The following CSDE1 variants were observed in gnomAD, a reference collection of about 807,000 sequenced individuals.
CSDE1 encodes cold shock domain-containing protein E1.
CSDE1 carries 17 observed loss-of-function variants against 89.3 expected under a neutral mutation model. The observed-to-expected ratio is 0.19, with a 90% confidence interval of 0.13 to 0.29. The LOEUF (loss-of-function observed/expected upper bound fraction) is 0.29, where lower values mean the gene tolerates loss of function less well. Among genes scored for constraint, CSDE1 ranks in the 10% least tolerant of loss-of-function variants. The pLI is 1.00. For synonymous variants in CSDE1, 322 were observed against 332.8 expected, an observed-to-expected ratio of 0.97 and a Z score of 0.35; for missense variants, 672 against 984.2, an observed-to-expected ratio of 0.68 and a Z score of 4.24.
At chr1:114,748,163 G>C (rs1156636629) in intron 2 of CSDE1, among the ~76,000 whole-genome samples, 3 of 152,108 alleles carry the variant, frequency 2.0e-5, no homozygotes, top group Admixed American at 6.6e-5. Context: ...TCAATAAATT[G>C]GAAATAAAGT....
At chr1:114,754,052 ATTAC>A (rs1472981321) in intron 1 of CSDE1, among the ~76,000 whole-genome samples, 7 of 152,202 alleles carry the variant, frequency 4.6e-5, no homozygotes, top group Non-Finnish European at 1.0e-4. Context: ...AAATAGTATT[ATTAC>A]TTAATCACTG....
intron 17 of CSDE1, 159 bp downstream of exon 17, chr1:114,720,378 TTC>T (rs1407111309): frequency 1.5e-6 from 1 of 647,008 alleles, no homozygotes. Flanking sequence ...TTGTGTAGTT[TTC>T]TGTTTTTATT....
intron 16 of CSDE1, among the ~76,000 whole-genome samples, chr1:114,721,595 T>C (rs1319299278): frequency 6.6e-6 from 1 of 152,174 alleles, no homozygotes; most frequent in Non-Finnish European, 1.5e-5. Flanking sequence ...AGAATTTTTG[T>C]CATTGTTATT....
Position 114,725,409 on chromosome 1 carries a change from G to T in CSDE1, c.1641-76C>A. 8 of 1,118,312 alleles carry T rather than the reference G, an allele frequency of 7.2e-6. No individual in the cohort carries two copies. In the South Asian group the frequency reaches 9.9e-5, roughly 14 times the overall value. 69.3% of individuals were successfully genotyped at this position (1,118,312 alleles called of 1,614,324 possible). On this transcript the variant is annotated intron_variant, in intron 14 of 19. Coordinates refer to ENST00000358528, the MANE Select transcript of CSDE1 (RefSeq NM_001007553.3). ...AGTAACAGGCAGTCTTTATTTTACA[G>T]TAACAGTCATGGCATGGCATGCTTA...
At chr1:114,719,432 C>T (rs978352235) in intron 18 of CSDE1, 147 bp downstream of exon 18, 16 of 870,748 alleles carry the variant, frequency 1.8e-5, no homozygotes, top group Non-Finnish European at 2.5e-5. Flanking sequence ...ACTAAACAAT[C>T]TTTTTGTATT....
chr1:114,732,922 CCCTG>C, intron 9 of CSDE1, 106 bp from the exon 10 acceptor site: 1 of 956,466 alleles, frequency 1.0e-6, no homozygotes, highest in Non-Finnish European at 1.6e-6. Context: ...TAACTTAGTT[CCCTG>C]AAGCGAAAAA....
At chr1:114,737,399 T>C (rs1660462781) in intron 5 of CSDE1, 72 bp downstream of exon 5, 1 of 1,248,744 alleles carries the variant, frequency 8.0e-7, no homozygotes, top group Non-Finnish European at 1.1e-6. Context: ...GTTTTCTATT[T>C]TGAATTTTAA....
At chr1:114,732,574 G>C in intron 10 of CSDE1, 30 bp downstream of exon 10, 3 of 1,595,732 alleles carry the variant, frequency 1.9e-6, no homozygotes, top group Non-Finnish European at 1.7e-6. Context: ...TCGCATATTA[G>C]ATACATATCC....
intron 2 of CSDE1, among the ~76,000 whole-genome samples, chr1:114,740,761 C>T (rs1558003121): frequency 1.3e-5 from 2 of 152,148 alleles, no homozygotes; most frequent in African/African-American, 4.8e-5. Flanking sequence ...AAGTGAAGCA[C>T]AAAACAGGAC....
At chr1:114,736,117 C>T (rs1292352352) in intron 6 of CSDE1, among the ~76,000 whole-genome samples, 1 of 152,118 alleles carries the variant, frequency 6.6e-6, no homozygotes, top group African/African-American at 2.4e-5. Flanking sequence ...AATTCCAACC[C>T]CACCTTTATC....
At chr1:114,726,899 T>C (rs1035861490) in intron 13 of CSDE1, 84 bp downstream of exon 13, 11 of 843,604 alleles carry the variant, frequency 1.3e-5, no homozygotes, top group Non-Finnish European at 2.1e-5. Context: ...CAAAACTTGA[T>C]AAAATTTGAA....
intron 19 of CSDE1, 98 bp from the exon 20 acceptor site, chr1:114,718,314 A>G: frequency 7.2e-7 from 1 of 1,383,528 alleles, no homozygotes; most frequent in Non-Finnish European, 1.0e-6. Flanking sequence ...CAAAAGCATT[A>G]TTTTTAATCA....
rs138434593 is a variant in CSDE1 at position 114,728,266 on chromosome 1, T to C, written c.1357-1176A>G. On this transcript the variant is annotated intron_variant, in intron 12 of 19. Transcript: ENST00000358528. ...GATTTGAGTTTGGTTAAGAACAATG[T>C]CAGTGAACTCAGGTCTGACTCCAAT... Among the ~76,000 whole-genome samples the C allele has an allele frequency of 3.3e-5, 5 of 152,316 alleles. No individual in the cohort carries two copies. In the East Asian group the frequency reaches 7.7e-4, roughly 23 times the overall value.
At chr1:114,744,236 T>C (rs1660890887) in intron 2 of CSDE1, among the ~76,000 whole-genome samples, 1 of 152,190 alleles carries the variant, frequency 6.6e-6, no homozygotes, top group South Asian at 2.1e-4. Flanking sequence ...GTTGCTTGCC[T>C]AACAGCATGT....
Position 114,718,202 on chromosome 1 carries a change from T to C in CSDE1, c.2364A>G (p.Glu788=), listed in dbSNP as rs1270020115. The change falls in exon 20 of 20, where the codon GAA becomes GAG. Residue 788 remains glutamate, a synonymous_variant. Transcript: ENST00000358528. ...TGACACCAGCTTGACGGATCTTTCT[T>C]TCTGCACCAAACCCCTGTGGGGGGG... The part of the protein sequence containing the change: ...GPDNSMGFGA[E]RKIRQAGVID The C allele has an allele frequency of 6.2e-7, 1 of 1,614,196 alleles. No homozygotes were observed. Among genetic ancestry groups the C allele is most frequent in the East Asian group, 2.2e-5 (1 of 44,890 alleles).
chr1:114,744,149 T>A (rs758984480), intron 2 of CSDE1, among the ~76,000 whole-genome samples: 1 of 152,068 alleles, frequency 6.6e-6, no homozygotes, highest in Non-Finnish European at 1.5e-5. Context: ...CTAACAAAGG[T>A]GGTGGTAGGA....
At position 114,730,550 on chromosome 1, in the gene CSDE1, G is replaced by T. The variant is rs1660044406; in HGVS notation, c.1149C>A (p.Asn383Lys). 6.2e-7 allele frequency: 1 copy of T among 1,614,072 alleles called. No homozygotes were observed. Among genetic ancestry groups the T allele is most frequent in the Non-Finnish European group, 8.5e-7 (1 of 1,180,030 alleles). Residue 383 changes from asparagine (N) to lysine (K), a missense_variant, in exon 11 of 20, where the codon AAC becomes AAA. Asn to Lys is a moderately conservative substitution (Grantham distance 94). Transcript: ENST00000358528. ...CTACTTCATCTGCAATATGGAGCTG[G>T]TTCCCATCCAGAATTTCACTGAAGT... ...FFHFSEILDG[N>K]QLHIADEVEF...
intron 1 of CSDE1, among the ~76,000 whole-genome samples, chr1:114,755,970 T>C (rs1332119234): frequency 6.6e-6 from 1 of 152,206 alleles, no homozygotes; most frequent in Non-Finnish European, 1.5e-5. Flanking sequence ...TTATGAATGC[T>C]CCAGCATAAT....
intron 6 of CSDE1, 97 bp downstream of exon 6, chr1:114,736,661 G>T: frequency 1.4e-6 from 1 of 696,268 alleles, no homozygotes; most frequent in Non-Finnish European, 2.5e-6. Context: ...AAACTATCCA[G>T]ACTTACAAGT....
Sources: allele counts gnomAD v4.1 joint callset (sites outside exome capture counted in the v4.1 genomes callset), GRCh38; gene constraint gnomAD v4.1.1; transcripts MANE v1.5; gene names NCBI Gene and HGNC (gene_info 2026-07-23, HGNC 2026-07-21).